SMCHD1: variants seen among roughly 807,000 people sequenced by gnomAD.
SMCHD1 encodes the protein structural maintenance of chromosomes flexible hinge domain containing 1, also known as structural maintenance of chromosomes flexible hinge domain-containing protein 1.
In SMCHD1, 78 loss-of-function variants were observed where a neutral mutation model predicts 254.7. That is an observed-to-expected ratio of 0.31 (90% confidence interval 0.26 to 0.37). SMCHD1 has a LOEUF of 0.37. Among genes scored for constraint, SMCHD1 ranks in the 10% least tolerant of loss-of-function variants. SMCHD1 has a pLI of 1.00. For synonymous variants in SMCHD1, 766 were observed against 794.9 expected, an observed-to-expected ratio of 0.96 and a Z score of 0.61; for missense variants, 1,840 against 2,408.1, an observed-to-expected ratio of 0.76 and a Z score of 4.94.
At chr18:2,707,763 A>C (rs373270878) in intron 16 of SMCHD1, 44 bp from the exon 17 acceptor site, 5 of 1,544,706 alleles carry the variant, frequency 3.2e-6, no homozygotes, top group Non-Finnish European at 3.5e-6. Flanking sequence ...AGATTCAGCA[A>C]ATTTTTGGGT....
Position 2,802,562 on chromosome 18 carries a change from G to T in SMCHD1, c.*10G>T. 6.4e-7 allele frequency: 1 copy of T among 1,551,564 alleles called. No individual in the cohort carries two copies. Among genetic ancestry groups the T allele is most frequent in the East Asian group, 2.4e-5 (1 of 41,260 alleles). On this transcript the variant is annotated 3_prime_UTR_variant, in exon 48 of 48. Coordinates refer to ENST00000320876, the MANE Select transcript of SMCHD1 (RefSeq NM_015295.3). ...CAAAACAGATGTATGAGAGGTGACA[G>T]AGAGAAGAGGCCATTGGTCTCAGTA...
chr18:2,671,430 A>C (rs1043120138), intron 3 of SMCHD1, among the ~76,000 whole-genome samples: 4 of 152,086 alleles, frequency 2.6e-5, no homozygotes, highest in African/African-American at 9.7e-5. Context: ...TTTCATTCAT[A>C]CCATCATTAT....
chr18:2,669,762 G>A (rs926153178), intron 3 of SMCHD1, among the ~76,000 whole-genome samples: 3 of 152,156 alleles, frequency 2.0e-5, no homozygotes, highest in Non-Finnish European at 4.4e-5. Context: ...ATCTCCTCTA[G>A]GATGTCTAAA....
chr18:2,659,894 G>T (rs978736311), intron 1 of SMCHD1, among the ~76,000 whole-genome samples: 1 of 152,072 alleles, frequency 6.6e-6, no homozygotes, highest in Non-Finnish European at 1.5e-5. Flanking sequence ...TAAGCTGTGT[G>T]CTTTCTGACT....
intron 35 of SMCHD1, 49 bp from the exon 36 acceptor site, chr18:2,762,056 C>A: frequency 6.5e-7 from 1 of 1,527,018 alleles, no homozygotes; most frequent in Non-Finnish European, 9.0e-7. Context: ...CTCTTAAATG[C>A]TAAAGCATCA....
intron 39 of SMCHD1, among the ~76,000 whole-genome samples, chr18:2,770,498 A>G (rs1396120920): frequency 1.3e-5 from 2 of 152,192 alleles, no homozygotes; most frequent in African/African-American, 2.4e-5. Flanking sequence ...TTTTACTTCA[A>G]ACATCTGCAG....
intron 34 of SMCHD1, among the ~76,000 whole-genome samples, chr18:2,759,571 C>CTTTTTTTTTTTTTTTTTT (rs61159403): frequency 1.4e-4 from 10 of 69,516 alleles, no homozygotes; most frequent in African/African-American, 2.8e-4. Flanking sequence ...TTAATTCTCT[C>CTTTTTTTTTTTTTTTTTT]TTTTTTTTTT....
rs2143897835 is a variant in SMCHD1, at chr18:2,804,991, ACT to A, written c.*2445_*2446del. ...TGTATTTTGAAGTAACTGAAATAAAACTCTCTCCAAGCCTTTTTGCACATTAC... is the reference window on the plus strand; with the variant it reads ...TGTATTTTGAAGTAACTGAAATAAAACTCTCCAAGCCTTTTTGCACATTAC... On this transcript the variant is annotated 3_prime_UTR_variant, in exon 48 of 48. Coordinates refer to ENST00000320876, the MANE Select transcript of SMCHD1 (RefSeq NM_015295.3). 6.6e-6 allele frequency: 1 copy of A among 152,002 alleles called. No homozygotes were observed. Among genetic ancestry groups the A allele is most frequent in the African/African-American group, 2.4e-5 (1 of 41,466 alleles). The allele number at this position is 152,002 out of a possible 1,614,324, so 9.4% of individuals were successfully genotyped here.
At chr18:2,774,337 C>G (rs957668792) in intron 41 of SMCHD1, among the ~76,000 whole-genome samples, 2 of 152,020 alleles carry the variant, frequency 1.3e-5, no homozygotes, top group African/African-American at 4.8e-5. Flanking sequence ...AGTTTTTTTG[C>G]ATGTTCATTT....
intron 15 of SMCHD1, 176 bp from the exon 16 acceptor site, chr18:2,707,387 A>G (rs187905847): frequency 3.0e-4 from 110 of 369,212 alleles, no homozygotes; most frequent in African/African-American, 2.1e-3. Context: ...TTCAGTAGCC[A>G]CAGGAATGGT....
rs541228537 is a variant in SMCHD1, at chr18:2,726,143, C to G, written c.2701-309C>G. Among the ~76,000 whole-genome samples the G allele has an allele frequency of 2.6e-5, 4 of 151,796 alleles. No homozygotes were observed. The East Asian group carries it at 5.8e-4, about 22-fold the overall frequency. On this transcript the variant is annotated intron_variant, in intron 21 of 47. Coordinates refer to ENST00000320876, the MANE Select transcript of SMCHD1 (RefSeq NM_015295.3). Reference sequence around the variant, plus strand: ...ATCTATCTTGATTATGATAATTATTCAGAGGTTATGCCTTTTGAGAATAAA... The same window carrying G: ...ATCTATCTTGATTATGATAATTATTGAGAGGTTATGCCTTTTGAGAATAAA...
Position 2,803,280 on chromosome 18 carries a change from A to G in SMCHD1, c.*728A>G, listed in dbSNP as rs1198667499. The G allele has an allele frequency of 6.7e-6, 1 of 149,570 alleles. No homozygotes were observed. Among genetic ancestry groups the G allele is most frequent in the Non-Finnish European group, 1.5e-5 (1 of 67,498 alleles). 9.3% of individuals were successfully genotyped at this position (149,570 alleles called of 1,614,324 possible). On this transcript the variant is annotated 3_prime_UTR_variant, in exon 48 of 48. Transcript: ENST00000320876. ...TTATAACTATTGTTTGTTTGACTTT[A>G]TTAATACTAGAATATGTAGTCTCAG...
chr18:2,769,939 A>G (rs758863571), intron 38 of SMCHD1, 50 bp from the exon 39 acceptor site: 1 of 1,538,840 alleles, frequency 6.5e-7, no homozygotes, highest in East Asian at 2.4e-5. Flanking sequence ...GACATATTTT[A>G]GAAAAGTCAG....
intron 45 of SMCHD1, among the ~76,000 whole-genome samples, chr18:2,789,260 C>G (rs2076283084): frequency 6.6e-6 from 1 of 151,080 alleles, no homozygotes; most frequent in Non-Finnish European, 1.5e-5. Context: ...TAGCTGGTCT[C>G]AAACTCCTGG....
intron 27 of SMCHD1, among the ~76,000 whole-genome samples, chr18:2,739,734 C>T (rs1035111147): frequency 6.6e-6 from 1 of 151,452 alleles, no homozygotes; most frequent in Non-Finnish European, 1.5e-5. Context: ...CACATTTTGT[C>T]GAAAAAAAAT....
rs557678558 is a variant in SMCHD1 at position 2,794,322 on chromosome 18, C to T, written c.5720-1627C>T. ...AAGGTCGAACAGCATAGTGAAACCCCGTCTCTAAAAAAATTAGATAGGTGT... is the reference window on the plus strand; with the variant it reads ...AAGGTCGAACAGCATAGTGAAACCCTGTCTCTAAAAAAATTAGATAGGTGT... On this transcript the variant is annotated intron_variant, in intron 45 of 47. Transcript: ENST00000320876. Among the ~76,000 whole-genome samples, 5 of 152,120 alleles carry T rather than the reference C, an allele frequency of 3.3e-5. No individual in the cohort carries two copies. In the South Asian group the frequency reaches 6.2e-4, roughly 19 times the overall value.
At chr18:2,737,573 C>A (rs2075274318) in intron 25 of SMCHD1, among the ~76,000 whole-genome samples, 1 of 135,730 alleles carries the variant, frequency 7.4e-6, no homozygotes, top group Admixed American at 7.8e-5. Context: ...ATTAGGCAGA[C>A]CTGGGGTGCA....
At chr18:2,753,476 A>G (rs908814203) in intron 34 of SMCHD1, among the ~76,000 whole-genome samples, 2 of 152,210 alleles carry the variant, frequency 1.3e-5, no homozygotes, top group Admixed American at 6.5e-5. Flanking sequence ...AGATGTGTAT[A>G]TTTAAATATA....
At chr18:2,725,490 T>A (rs991612208) in intron 21 of SMCHD1, among the ~76,000 whole-genome samples, 1 of 151,804 alleles carries the variant, frequency 6.6e-6, no homozygotes, top group Non-Finnish European at 1.5e-5. Context: ...AGTTTGTTGG[T>A]CTAAAAAAAA....
Sources: allele counts gnomAD v4.1 joint callset (sites outside exome capture counted in the v4.1 genomes callset), GRCh38; gene constraint gnomAD v4.1.1; transcripts MANE v1.5; gene names NCBI Gene and HGNC (gene_info 2026-07-23, HGNC 2026-07-21).